The following TUSC3 variants were observed in gnomAD, a reference collection of about 807,000 sequenced individuals.
The protein encoded by TUSC3 is dolichyl-diphosphooligosaccharide--protein glycosyltransferase subunit TUSC3.
Under a neutral mutation model 44.8 loss-of-function variants are expected in TUSC3, and 45 were observed. The observed-to-expected ratio is 1.00, with a 90% CI of 0.79 to 1.29. The LOEUF (loss-of-function observed/expected upper bound fraction) is 1.29, where lower values mean the gene tolerates loss of function less well. TUSC3 is among the 50% of genes most tolerant of loss of function. The pLI is 0.00. For missense variants in TUSC3, 519 were observed against 437.9 expected (o/e 1.19, Z -1.65); for synonymous variants, 212 against 152.9 (o/e 1.39, Z -2.85).
chr8:15,536,441 G>C (rs1235988042), upstream of TUSC3, among the ~76,000 whole-genome samples: 1 of 151,982 alleles, frequency 6.6e-6, no homozygotes, highest in Non-Finnish European at 1.5e-5. Flanking sequence ...CAGCACTTTG[G>C]GATGCCGAGG....
At chr8:15,800,517 G>T in the TUSC3 span, among the ~76,000 whole-genome samples, 24 of 151,710 alleles carry the variant, frequency 1.6e-4, no homozygotes, top group Non-Finnish European at 3.5e-4. Context: ...AGGCTGCAGT[G>T]AGCTGAGATC....
the TUSC3 span, among the ~76,000 whole-genome samples, chr8:15,775,748 C>CTATATA: frequency 4.1e-3 from 568 of 138,862 alleles, 3 homozygotes; most frequent in African/African-American, 9.2e-3. Context: ...ATATATTACA[C>CTATATA]TATATATATA....
At chr8:15,549,364 G>C (rs532930560) in intron 1 of TUSC3, among the ~76,000 whole-genome samples, 3 of 151,472 alleles carry the variant, frequency 2.0e-5, no homozygotes, top group Non-Finnish European at 4.4e-5. Context: ...AGTAGAGGCT[G>C]GGTTTCACCA....
chr8:15,828,866 C>A, the TUSC3 span, among the ~76,000 whole-genome samples: 1 of 151,842 alleles, frequency 6.6e-6, no homozygotes, highest in Non-Finnish European at 1.5e-5. Context: ...CCATTTGTTT[C>A]GTCACTGGAG....
the TUSC3 span, among the ~76,000 whole-genome samples, chr8:15,810,785 A>G: frequency 6.6e-6 from 1 of 152,170 alleles, no homozygotes; most frequent in Non-Finnish European, 1.5e-5. Context: ...TTGCATCTGT[A>G]GAGAATCTCC....
At chr8:15,458,374 G>A (rs575155286) in intron 1 of TUSC3, among the ~76,000 whole-genome samples, 8 of 151,958 alleles carry the variant, frequency 5.3e-5, no homozygotes, top group Non-Finnish European at 7.4e-5. Flanking sequence ...GAATAGCTGC[G>A]ACTACAGGAG....
chr8:15,764,279 A>AT lies in TUSC3; in HGVS notation c.*124dup. On this transcript the variant is annotated 3_prime_UTR_variant, in exon 11 of 11. Coordinates refer to ENST00000503731, the MANE Select transcript of TUSC3 (RefSeq NM_006765.4). ...ATGAAGATAAACTGTTCCTGACTTT[A>AT]TACTATTTTGAATTCATTCATTTCA... 6.5e-7 allele frequency: 1 copy of AT among 1,549,380 alleles called. No individual in the cohort carries two copies. Among genetic ancestry groups the AT allele is most frequent in the Non-Finnish European group, 8.9e-7 (1 of 1,125,436 alleles).
intron 6 of TUSC3, among the ~76,000 whole-genome samples, chr8:15,692,663 T>A (rs1314420843): frequency 1.1e-5 from 1 of 92,612 alleles, no homozygotes; most frequent in Non-Finnish European, 3.1e-5. Flanking sequence ...TCTGAGGGCT[T>A]TTTTTTTTTT....
intron 1 of TUSC3, among the ~76,000 whole-genome samples, chr8:15,571,472 T>C (rs1802876279): frequency 6.6e-6 from 1 of 152,196 alleles, no homozygotes; most frequent in South Asian, 2.1e-4. Flanking sequence ...AAAGTATATA[T>C]ACCTTAATTT....
At chr8:15,504,457 A>G (rs1408189337) in intron 2 of TUSC3, among the ~76,000 whole-genome samples, 1 of 151,428 alleles carries the variant, frequency 6.6e-6, no homozygotes, top group Non-Finnish European at 1.5e-5. Context: ...CATTATCATT[A>G]ACATCAGTTC....
chr8:15,662,145 C>A lies in TUSC3; in HGVS notation c.568-11C>A. 6.2e-7 allele frequency: 1 copy of A among 1,612,238 alleles called. No individual in the cohort carries two copies. The highest frequency in any genetic ancestry group is 8.5e-7 in the Non-Finnish European group (1 of 1,178,808). On this transcript the variant is annotated splice_polypyrimidine_tract_variant and intron_variant, in intron 4 of 10. Coordinates refer to ENST00000503731, the MANE Select transcript of TUSC3 (RefSeq NM_006765.4). ...TCTTTCATTTTTGAAATTTCTATTG[C>A]ATTTTTGCAGATTCGGGTTTTCAGA...
At chr8:15,708,093 A>C (rs1185319941) in intron 6 of TUSC3, among the ~76,000 whole-genome samples, 1 of 151,894 alleles carries the variant, frequency 6.6e-6, no homozygotes, top group Non-Finnish European at 1.5e-5. Flanking sequence ...GAACTAATTA[A>C]ATCTGTTTCC....
chr8:15,796,368 G>A, the TUSC3 span, among the ~76,000 whole-genome samples: 1 of 152,170 alleles, frequency 6.6e-6, no homozygotes, highest in Non-Finnish European at 1.5e-5. Context: ...TATGGAATCT[G>A]TCAGTCTGTG....
chr8:15,753,252 C>A (rs369329880), intron 9 of TUSC3, among the ~76,000 whole-genome samples: 1 of 151,968 alleles, frequency 6.6e-6, no homozygotes, highest in African/African-American at 2.4e-5. Context: ...TATATCTTCC[C>A]AGATCACATT....
At chr8:15,720,289 T>A (rs1810254029) in intron 6 of TUSC3, among the ~76,000 whole-genome samples, 1 of 151,582 alleles carries the variant, frequency 6.6e-6, no homozygotes, top group Admixed American at 6.6e-5. Context: ...CGATTAAATA[T>A]AAAGATGAAT....
At chr8:15,501,554 A>G (rs1173549068) in intron 2 of TUSC3, among the ~76,000 whole-genome samples, 4 of 152,314 alleles carry the variant, frequency 2.6e-5, no homozygotes, top group Non-Finnish European at 4.4e-5. Context: ...TTTTCTTTTC[A>G]TCTTTTCAAA....
chr8:15,668,063 C>T (rs1364512794), intron 5 of TUSC3, among the ~76,000 whole-genome samples: 1 of 151,702 alleles, frequency 6.6e-6, no homozygotes, highest in Non-Finnish European at 1.5e-5. Context: ...TGCTTGCCTG[C>T]TATATAAATG....
chr8:15,567,125 G>T (rs184070267), intron 1 of TUSC3, among the ~76,000 whole-genome samples: 4 of 152,244 alleles, frequency 2.6e-5, no homozygotes. Flanking sequence ...ACTTTCGGCA[G>T]TTAAGAATTA....
the TUSC3 span, among the ~76,000 whole-genome samples, chr8:15,775,906 T>C: frequency 6.6e-6 from 1 of 151,508 alleles, no homozygotes; most frequent in Non-Finnish European, 1.5e-5. Context: ...CAAGAGAAAA[T>C]GGACAGAGAA....
Sources: allele counts gnomAD v4.1 joint callset (sites outside exome capture counted in the v4.1 genomes callset), GRCh38; gene constraint gnomAD v4.1.1; transcripts MANE v1.5; gene names NCBI Gene and HGNC (gene_info 2026-07-23, HGNC 2026-07-21).